PGCKA1: variants seen among roughly 807,000 people sequenced by gnomAD.
The protein encoded by PGCKA1 is PDCD10 and GCKIII kinases-associated protein 1.
chr4:37,463,118 G>T, the PGCKA1 span, among the ~76,000 whole-genome samples: 1 of 152,132 alleles, frequency 6.6e-6, no homozygotes, highest in Non-Finnish European at 1.5e-5. Flanking sequence ...GGAGGTTGTT[G>T]TAGGGCTGGG....
the PGCKA1 span, among the ~76,000 whole-genome samples, chr4:37,553,729 T>G: frequency 6.6e-6 from 1 of 152,244 alleles, no homozygotes; most frequent in African/African-American, 2.4e-5. Context: ...TGTTATAATA[T>G]TATGCATTGG....
chr4:37,590,090 A>C, the PGCKA1 span: 6 of 1,608,336 alleles, frequency 3.7e-6, no homozygotes, highest in East Asian at 8.9e-5. Context: ...TCCTGAAGCT[A>C]TCTCTTTGAT....
the PGCKA1 span, among the ~76,000 whole-genome samples, chr4:37,549,565 A>G: frequency 2.0e-5 from 3 of 152,174 alleles, no homozygotes; most frequent in African/African-American, 7.2e-5. Flanking sequence ...TTTAATAAAT[A>G]CCAAAGGACA....
chr4:37,534,171 A>G, the PGCKA1 span, among the ~76,000 whole-genome samples: 1 of 152,232 alleles, frequency 6.6e-6, no homozygotes, highest in Non-Finnish European at 1.5e-5. Flanking sequence ...CAAGAAAGAT[A>G]CAATTTAAAT....
the PGCKA1 span, among the ~76,000 whole-genome samples, chr4:37,453,717 C>T: frequency 6.6e-6 from 1 of 152,110 alleles, no homozygotes; most frequent in Non-Finnish European, 1.5e-5. Flanking sequence ...GGCCAACAAG[C>T]GCGTGGATTT....
chr4:37,549,216 A>G, the PGCKA1 span, among the ~76,000 whole-genome samples: 1 of 152,226 alleles, frequency 6.6e-6, no homozygotes, highest in African/African-American at 2.4e-5. Flanking sequence ...GCCCTTGTTC[A>G]TCCCCAAGCG....
chr4:37,535,808 G>GC, the PGCKA1 span, among the ~76,000 whole-genome samples: 1 of 152,196 alleles, frequency 6.6e-6, no homozygotes, highest in African/African-American at 2.4e-5. Flanking sequence ...ACATGGCAGC[G>GC]CTGGGACTGG....
chr4:37,472,233 C>G, the PGCKA1 span, among the ~76,000 whole-genome samples: 1 of 152,198 alleles, frequency 6.6e-6, no homozygotes, highest in Non-Finnish European at 1.5e-5. Flanking sequence ...CTGCATCAGT[C>G]CTTTCCTCAT....
chr4:37,535,379 C>A, the PGCKA1 span, among the ~76,000 whole-genome samples: 2 of 152,250 alleles, frequency 1.3e-5, no homozygotes, highest in Non-Finnish European at 2.9e-5. Flanking sequence ...CAGAGTGAGA[C>A]CCTGTTTCAA....
At chr4:37,544,932 C>A in the PGCKA1 span, among the ~76,000 whole-genome samples, 15 of 151,162 alleles carry the variant, frequency 9.9e-5, no homozygotes, top group African/African-American at 3.6e-4. Context: ...ATCTTGGGGG[C>A]ACAACCTCTG....
the PGCKA1 span, among the ~76,000 whole-genome samples, chr4:37,538,941 G>A: frequency 6.6e-6 from 1 of 152,200 alleles, no homozygotes; most frequent in Admixed American, 6.5e-5. Flanking sequence ...TTAAACTCTA[G>A]AGAGAATGGT....
At chr4:37,459,084 A>G in the PGCKA1 span, among the ~76,000 whole-genome samples, 4 of 152,150 alleles carry the variant, frequency 2.6e-5, no homozygotes, top group African/African-American at 7.2e-5. Context: ...GCCTCCCTAC[A>G]TAATGCTGCA....
At chr4:37,512,290 G>C in the PGCKA1 span, among the ~76,000 whole-genome samples, 6 of 151,990 alleles carry the variant, frequency 3.9e-5, no homozygotes, top group Admixed American at 3.9e-4. Context: ...GGAACCCTCT[G>C]TTCATCCATC....
chr4:37,525,941 A>T, the PGCKA1 span, among the ~76,000 whole-genome samples: 1 of 152,196 alleles, frequency 6.6e-6, no homozygotes, highest in Admixed American at 6.5e-5. Flanking sequence ...AACCAGTACT[A>T]TGTCTGACCT....
At chr4:37,538,254 T>C in the PGCKA1 span, among the ~76,000 whole-genome samples, 2 of 152,252 alleles carry the variant, frequency 1.3e-5, no homozygotes, top group African/African-American at 4.8e-5. Context: ...CCCTGGGTTC[T>C]GCTTCATTCC....
chr4:37,527,336 A>T, the PGCKA1 span, among the ~76,000 whole-genome samples: 2 of 152,152 alleles, frequency 1.3e-5, no homozygotes, highest in Non-Finnish European at 2.9e-5. Context: ...TGCAGTGTTT[A>T]TGAAGTCTCC....
At chr4:37,462,962 C>CAA in the PGCKA1 span, among the ~76,000 whole-genome samples, 7,891 of 60,144 alleles carry the variant, frequency 0.13, 674 homozygotes, top group Non-Finnish European at 0.17. Context: ...GACTCAGTAT[C>CAA]AAAAAAAAAA....
At chr4:37,565,653 C>T in the PGCKA1 span, among the ~76,000 whole-genome samples, 1 of 152,170 alleles carries the variant, frequency 6.6e-6, no homozygotes, top group Admixed American at 6.5e-5. Context: ...ATTGCTTGGC[C>T]AGACCAGAAT....
chr4:37,511,601 C>CCT, the PGCKA1 span, among the ~76,000 whole-genome samples: 2 of 151,920 alleles, frequency 1.3e-5, no homozygotes, highest in Non-Finnish European at 2.9e-5. Flanking sequence ...CTTACTCTTC[C>CCT]CTCTCTTCTC....
Sources: gnomAD v4.1 joint callset for allele counts (sites outside exome capture counted in the v4.1 genomes callset) on GRCh38, gnomAD v4.1.1 for gene constraint, MANE v1.5 for transcripts, NCBI Gene and HGNC (gene_info 2026-07-23, HGNC 2026-07-21) for gene names.